DSC3: variants seen among roughly 807,000 people sequenced by gnomAD.
DSC3 encodes the protein desmocollin-3.
DSC3 carries 97 observed loss-of-function variants against 89.5 expected under a neutral mutation model. That is an observed-to-expected ratio of 1.08 (90% CI 0.92 to 1.28). DSC3 has a LOEUF of 1.28. Among genes scored for constraint, DSC3 ranks in the 50% most tolerant of loss-of-function variants. The pLI, the probability that DSC3 is intolerant of heterozygous loss-of-function variation, is 0.00. For synonymous variants in DSC3, 436 were observed against 384.1 expected, an observed-to-expected ratio of 1.14 and a Z score of -1.58; for missense variants, 1,199 against 1,085.3, an observed-to-expected ratio of 1.10 and a Z score of -1.47.
At chr18:31,041,139 T>G (rs1474517383) in intron 1 of DSC3, among the ~76,000 whole-genome samples, 1 of 152,176 alleles carries the variant, frequency 6.6e-6, no homozygotes, top group Non-Finnish European at 1.5e-5. Context: ...TGGTCTTCCA[T>G]GGCCTCTGGG....
At chr18:31,017,991 C>A in intron 9 of DSC3, 80 bp downstream of exon 9, 1 of 1,250,034 alleles carries the variant, frequency 8.0e-7, no homozygotes, top group Non-Finnish European at 1.2e-6. Flanking sequence ...AGTCTATGGT[C>A]TGAAACTATT....
chr18:31,010,193 A>AT (rs1277769433), intron 9 of DSC3, among the ~76,000 whole-genome samples: 1 of 152,226 alleles, frequency 6.6e-6, no homozygotes, highest in African/African-American at 2.4e-5. Flanking sequence ...GAATCTTAGA[A>AT]TCTACAAAAC....
chr18:30,995,976 A>G (rs1984442610), intron 15 of DSC3, among the ~76,000 whole-genome samples: 1 of 140,528 alleles, frequency 7.1e-6, no homozygotes, highest in Non-Finnish European at 1.5e-5. Flanking sequence ...TGCCTTAAAA[A>G]AAAAAAAAAA....
rs1037179657 is a variant in DSC3, at chr18:31,036,789, T to C, written c.70-4513A>G. ...TATGAATTATATTTCCTTTTTGCTT[T>C]CTTTCTTCCTTTTTTTTTTTTGAGA... On this transcript the variant is annotated intron_variant, in intron 1 of 15. Coordinates refer to ENST00000360428, the MANE Select transcript of DSC3 (RefSeq NM_001941.5). Among the ~76,000 whole-genome samples the C allele has an allele frequency of 2.2e-5, 3 of 138,414 alleles. No homozygotes were observed. The East Asian group carries it at 7.1e-4, about 33-fold the overall frequency. The allele number at this position is 138,414 out of a possible 152,430, so 90.8% of individuals were successfully genotyped here.
At chr18:30,998,650 G>A (rs1042234732) in intron 14 of DSC3, among the ~76,000 whole-genome samples, 1 of 152,144 alleles carries the variant, frequency 6.6e-6, no homozygotes, top group African/African-American at 2.4e-5. Flanking sequence ...ATTTTAAGGG[G>A]AGGGTAAGAG....
intron 9 of DSC3, among the ~76,000 whole-genome samples, chr18:31,017,026 TA>T (rs1170497002): frequency 6.6e-6 from 1 of 152,194 alleles, no homozygotes; most frequent in African/African-American, 2.4e-5. Context: ...TTTGGACTAA[TA>T]AAAAACAAAA....
intron 9 of DSC3, among the ~76,000 whole-genome samples, chr18:31,017,621 A>T (rs1229840602): frequency 2.0e-5 from 3 of 152,240 alleles, no homozygotes; most frequent in African/African-American, 7.2e-5. Context: ...TTTGTATGTC[A>T]CATCATGTAA....
At chr18:31,008,800 C>G (rs1291048688) in intron 9 of DSC3, among the ~76,000 whole-genome samples, 1 of 152,146 alleles carries the variant, frequency 6.6e-6, no homozygotes, top group African/African-American at 2.4e-5. Flanking sequence ...GAAAATTACT[C>G]TGATTCAAAA....
intron 7 of DSC3, 32 bp downstream of exon 7, chr18:31,022,304 C>T (rs752472879): frequency 3.5e-5 from 56 of 1,613,332 alleles, no homozygotes; most frequent in Middle Eastern, 3.3e-4. Context: ...TAATCCTCAG[C>T]GAAATGAAAT....
rs776656173 is a variant in DSC3, at chr18:31,022,298, C to T, written c.942+38G>A. ...AATAAATGGGGGAGGGAAGCTTAAT[C>T]CTCAGCGAAATGAAATTCTATGGAG... is the stretch of plus-strand genomic sequence containing the variant. On this transcript the variant is annotated intron_variant, in intron 7 of 15. Coordinates refer to ENST00000360428, the MANE Select transcript of DSC3 (RefSeq NM_001941.5). 4.5e-5 allele frequency: 73 copies of T among 1,613,172 alleles called. 1 individual carries two copies. In the Middle Eastern group the frequency reaches 5.0e-4, roughly 11 times the overall value.
chr18:31,027,059 A>G (rs572241654), intron 4 of DSC3, among the ~76,000 whole-genome samples: 1 of 152,298 alleles, frequency 6.6e-6, no homozygotes, highest in East Asian at 1.9e-4. Flanking sequence ...GGATCTCAAT[A>G]AAATGCACCT....
intron 9 of DSC3, among the ~76,000 whole-genome samples, chr18:31,016,397 G>T (rs1223116155): frequency 1.3e-5 from 2 of 152,198 alleles, no homozygotes; most frequent in Non-Finnish European, 2.9e-5. Context: ...TTTGGGATTT[G>T]CCTGCATCAG....
In DSC3 at chr18:31,001,656, T is replaced by C. The variant is rs747417436; in HGVS notation, c.2197A>G (p.Ile733Val). The change falls in exon 14 of 16, where the codon ATT (isoleucine) becomes GTT (valine). Residue 733 changes from isoleucine to valine, a missense_variant. Physicochemically the swap from Ile to Val is conservative, Grantham distance 29. Coordinates refer to ENST00000360428, the MANE Select transcript of DSC3 (RefSeq NM_001941.5). Reference sequence around the variant, plus strand: ...CCAGGTGCTTCTGTGTTTGATATAATTAAGTTTTGCTGTGCTAAATCTTCA... The same window carrying C: ...CCAGGTGCTTCTGTGTTTGATATAACTAAGTTTTGCTGTGCTAAATCTTCA... ...FPEDLAQQNL[I>V]ISNTEAPGDD... 8 of 1,611,584 alleles carry C rather than the reference T, an allele frequency of 5.0e-6. No individual in the cohort carries two copies. The East Asian group carries it at 1.3e-4, about 27-fold the overall frequency.
rs147449301 is a variant in DSC3 at position 30,996,749 on chromosome 18, G to C, written c.2493+42C>G. 7.2e-5 allele frequency: 115 copies of C among 1,608,338 alleles called. 1 individual carries two copies. The highest frequency in any genetic ancestry group is 9.5e-5 in the Non-Finnish European group (112 of 1,178,736). On this transcript the variant is annotated intron_variant, in intron 15 of 15. Coordinates refer to ENST00000360428, the MANE Select transcript of DSC3 (RefSeq NM_001941.5). Reference sequence around the variant, plus strand: ...TTGAATTGTCTATTTTTCTCCATTCGGAGGTTTAAATTTTAGACTCAAAAC... The same window carrying C: ...TTGAATTGTCTATTTTTCTCCATTCCGAGGTTTAAATTTTAGACTCAAAAC...
chr18:31,021,827 A>G (rs1376789950), intron 7 of DSC3, among the ~76,000 whole-genome samples: 16 of 152,220 alleles, frequency 1.1e-4, no homozygotes, highest in Admixed American at 1.0e-3. Context: ...AAAATTATGC[A>G]TTAAGAAGTT....
intron 9 of DSC3, among the ~76,000 whole-genome samples, 185 bp from the exon 10 acceptor site, chr18:31,008,710 T>C (rs1984955701): frequency 6.6e-6 from 1 of 152,106 alleles, no homozygotes; most frequent in South Asian, 2.1e-4. Context: ...CCAAGAATGG[T>C]CCAACAACTT....
chr18:31,012,626 A>G (rs1010182379), intron 9 of DSC3, among the ~76,000 whole-genome samples: 2 of 152,226 alleles, frequency 1.3e-5, no homozygotes, highest in Non-Finnish European at 1.5e-5. Context: ...TAACAACCAC[A>G]TGGGCTTGTT....
intron 7 of DSC3, among the ~76,000 whole-genome samples, chr18:31,021,141 A>AT (rs1985405973): frequency 6.6e-6 from 1 of 151,250 alleles, no homozygotes; most frequent in Non-Finnish European, 1.5e-5. Flanking sequence ...AATCTGGTAG[A>AT]TTTTTTTCTT....
chr18:31,023,035 A>T (rs1567958011), intron 6 of DSC3, among the ~76,000 whole-genome samples: 1 of 152,100 alleles, frequency 6.6e-6, no homozygotes, highest in Non-Finnish European at 1.5e-5. Context: ...CACAGCCTTA[A>T]CTGGTCTGAA....
Sources: allele counts gnomAD v4.1 joint callset (sites outside exome capture counted in the v4.1 genomes callset), GRCh38; gene constraint gnomAD v4.1.1; transcripts MANE v1.5; gene names NCBI Gene and HGNC (gene_info 2026-07-23, HGNC 2026-07-21).